Variants in PSMB7 observed in about 807,000 individuals in gnomAD.
The protein encoded by PSMB7 is proteasome 20S subunit beta 7, also known as proteasome subunit beta type-7.
In PSMB7, 5 loss-of-function variants were observed where a neutral mutation model predicts 28.1. The ratio of observed to expected loss-of-function variants is 0.18; its 90% confidence interval spans 0.09 to 0.37. PSMB7 has a LOEUF of 0.37. PSMB7 is among the 10% of genes least tolerant of loss of function. The pLI is 1.00. For missense variants in PSMB7, 275 were observed against 346.2 expected (o/e 0.79, Z 1.63); for synonymous variants, 122 against 123.7 (o/e 0.99, Z 0.09).
intron 4 of PSMB7, among the ~76,000 whole-genome samples, chr9:124,408,822 G>A (rs547455262): frequency 6.6e-6 from 1 of 152,248 alleles, no homozygotes; most frequent in African/African-American, 2.4e-5. Flanking sequence ...CAGAACATCA[G>A]GTGGCATTTA....
chr9:124,397,445 A>G (rs1385309379), intron 5 of PSMB7, among the ~76,000 whole-genome samples: 2 of 152,216 alleles, frequency 1.3e-5, no homozygotes, highest in African/African-American at 4.8e-5. Context: ...AATGCAGATC[A>G]GCTGTGCCTC....
At chr9:124,400,553 G>C (rs928079790) in intron 5 of PSMB7, among the ~76,000 whole-genome samples, 8 of 152,218 alleles carry the variant, frequency 5.3e-5, no homozygotes, top group African/African-American at 1.9e-4. Flanking sequence ...GGTGGTGGAA[G>C]GGATGGCAGG....
chr9:124,391,370 G>GAAAGCC (rs2131167297), intron 5 of PSMB7, among the ~76,000 whole-genome samples: 1 of 152,286 alleles, frequency 6.6e-6, no homozygotes, highest in African/African-American at 2.4e-5. Context: ...CCAAATGCTT[G>GAAAGCC]AAATCAAGAT....
intron 5 of PSMB7, among the ~76,000 whole-genome samples, chr9:124,389,064 G>A (rs1286025758): frequency 6.6e-6 from 1 of 152,222 alleles, no homozygotes; most frequent in Non-Finnish European, 1.5e-5. Context: ...CTGAAGGTGT[G>A]AGGATAGCAG....
chr9:124,358,361 G>C (rs1012923672), intron 6 of PSMB7, among the ~76,000 whole-genome samples: 3 of 152,266 alleles, frequency 2.0e-5, no homozygotes, highest in African/African-American at 7.2e-5. Context: ...AGCAGATAGG[G>C]GTTCCTTTGA....
intron 6 of PSMB7, chr9:124,383,589 G>A (rs1337587282): frequency 6.6e-6 from 1 of 152,182 alleles, no homozygotes; most frequent in Non-Finnish European, 1.5e-5. Flanking sequence ...ATGACAATGA[G>A]ATGACGGAAG....
intron 6 of PSMB7, among the ~76,000 whole-genome samples, chr9:124,370,225 T>C (rs1301165949): frequency 1.8e-5 from 1 of 54,782 alleles, no homozygotes; most frequent in African/African-American, 6.9e-5. Flanking sequence ...AAGAGCACCT[T>C]TTTTTTTTTT....
chr9:124,367,577 G>A (rs1415187227), intron 6 of PSMB7, among the ~76,000 whole-genome samples: 1 of 152,000 alleles, frequency 6.6e-6, no homozygotes, highest in African/African-American at 2.4e-5. Flanking sequence ...TGGTCATGGG[G>A]GGCGGGGGAG....
At chr9:124,385,570 T>G (rs1387542837) in intron 5 of PSMB7, among the ~76,000 whole-genome samples, 1 of 152,136 alleles carries the variant, frequency 6.6e-6, no homozygotes, top group Non-Finnish European at 1.5e-5. Flanking sequence ...GAGGATAGAG[T>G]TGCCCACAAT....
At chr9:124,381,948 T>TCC (rs1348496755) in intron 6 of PSMB7, among the ~76,000 whole-genome samples, 1 of 151,990 alleles carries the variant, frequency 6.6e-6, no homozygotes, top group East Asian at 2.0e-4. Flanking sequence ...AAGAAGAAGG[T>TCC]ACCACCTTCA....
intron 6 of PSMB7, chr9:124,384,331 A>G: frequency 2.5e-6 from 1 of 396,174 alleles, no homozygotes; most frequent in Non-Finnish European, 4.5e-6. Flanking sequence ...TTACCACCGC[A>G]TTTACAGTCA....
intron 6 of PSMB7, among the ~76,000 whole-genome samples, chr9:124,360,316 T>C (rs1483073840): frequency 1.3e-5 from 2 of 152,240 alleles, no homozygotes; most frequent in African/African-American, 4.8e-5. Context: ...TCTCTTCCTT[T>C]AGGATTAGTT....
chr9:124,410,492 T>C (rs1453934405), intron 4 of PSMB7, among the ~76,000 whole-genome samples: 2 of 152,220 alleles, frequency 1.3e-5, no homozygotes, highest in East Asian at 1.9e-4. Flanking sequence ...ATATATAATG[T>C]ACCAAGCAAG....
chr9:124,395,390 G>A (rs1830829680), intron 5 of PSMB7, among the ~76,000 whole-genome samples: 1 of 151,854 alleles, frequency 6.6e-6, no homozygotes, highest in Admixed American at 6.6e-5. Context: ...CTACTTGGGA[G>A]GCAGAGGTAG....
At chr9:124,367,875 T>C (rs1830522725) in intron 6 of PSMB7, among the ~76,000 whole-genome samples, 1 of 152,070 alleles carries the variant, frequency 6.6e-6, no homozygotes, top group Non-Finnish European at 1.5e-5. Context: ...CAAACACGAT[T>C]ACCAAGGCAA....
chr9:124,414,761 C>A, intron 2 of PSMB7, 81 bp downstream of exon 2: 2 of 1,200,040 alleles, frequency 1.7e-6, no homozygotes, highest in South Asian at 2.5e-5. Context: ...CCAGACCGAG[C>A]CGGGAGAGAC....
chr9:124,402,261 G>A (rs558314059), intron 5 of PSMB7, among the ~76,000 whole-genome samples: 3 of 152,246 alleles, frequency 2.0e-5, no homozygotes, highest in African/African-American at 7.2e-5. Context: ...GGTCACTCTT[G>A]GCCAGGAAAA....
intron 5 of PSMB7, among the ~76,000 whole-genome samples, chr9:124,387,104 A>G (rs1194838716): frequency 6.6e-6 from 1 of 151,968 alleles, no homozygotes; most frequent in Non-Finnish European, 1.5e-5. Flanking sequence ...ACATTAGCCG[A>G]GCATGGTGGT....
intron 6 of PSMB7, among the ~76,000 whole-genome samples, chr9:124,364,922 T>C (rs1830492673): frequency 6.6e-6 from 1 of 152,200 alleles, no homozygotes; most frequent in South Asian, 2.1e-4. Context: ...TGCTAGATGC[T>C]GGGCACATGT....
Sources: gnomAD v4.1 joint callset for allele counts (sites outside exome capture counted in the v4.1 genomes callset) on GRCh38, gnomAD v4.1.1 for gene constraint, MANE v1.5 for transcripts, NCBI Gene and HGNC (gene_info 2026-07-23, HGNC 2026-07-21) for gene names.